CKAP2L: variants seen among roughly 807,000 people sequenced by gnomAD.
CKAP2L encodes the protein cytoskeleton associated protein 2L, also known as cytoskeleton-associated protein 2-like.
Under a neutral mutation model 65.7 loss-of-function variants are expected in CKAP2L, and 42 were observed. That is an observed-to-expected ratio of 0.64 (90% CI 0.50 to 0.83). CKAP2L has a LOEUF of 0.83. Ranked by LOEUF, CKAP2L falls within the 40% of genes least tolerant of loss-of-function variation. The pLI is 0.00. For missense variants in CKAP2L, 908 were observed against 871.0 expected (o/e 1.04, Z -0.53); for synonymous variants, 325 against 313.5 (o/e 1.04, Z -0.39).
chr2:112,737,998 C>T lies in CKAP2L; in HGVS notation c.*825G>A, dbSNP rs962003802. The T allele has an allele frequency of 6.6e-6, 1 of 152,154 alleles. No individual in the cohort carries two copies. Among genetic ancestry groups the T allele is most frequent in the Admixed American group, 6.5e-5 (1 of 15,272 alleles). The allele number at this position is 152,154 out of a possible 1,614,324, so 9.4% of individuals were successfully genotyped here. On this transcript the variant is annotated 3_prime_UTR_variant, in exon 9 of 9. Coordinates refer to ENST00000302450, the MANE Select transcript of CKAP2L (RefSeq NM_152515.5). Reference sequence around the variant, plus strand: ...TAATGACTAAGGTAAAACCTTTCCACAAATAGTTGCCCAGGAGGAAGAAAA... The same window carrying T: ...TAATGACTAAGGTAAAACCTTTCCATAAATAGTTGCCCAGGAGGAAGAAAA...
At chr2:112,762,175 C>T (rs1371225677) in intron 2 of CKAP2L, among the ~76,000 whole-genome samples, 1 of 152,124 alleles carries the variant, frequency 6.6e-6, no homozygotes, top group African/African-American at 2.4e-5. Flanking sequence ...AAGTTCTTGA[C>T]CAAAAACTGC....
rs373984250 is a variant in CKAP2L, at chr2:112,757,312, A to G, written c.157-98T>C. ...TTAACACATGCTAAAAAAAATAATC[A>G]TTTTTAGAATTTCATCTAAGAAAGT... On this transcript the variant is annotated intron_variant, in intron 3 of 8. Transcript: ENST00000302450. 111 of 838,926 alleles carry G rather than the reference A, an allele frequency of 1.3e-4. No individual in the cohort carries two copies. The African/African-American group carries it at 1.8e-3, about 14-fold the overall frequency. 52.0% of individuals were successfully genotyped at this position (838,926 alleles called of 1,614,324 possible).
chr2:112,756,594 C>T lies in CKAP2L; in HGVS notation c.777G>A (p.Gln259=), dbSNP rs765291620. The part of the protein sequence containing the change: ...TQSRTFPVKS[Q]QLSRGADLAR... ...CAAGATCTGCTCCTCTAGAGAGTTG[C>T]TGTGATTTTACTGGGAAAGTCCTGC... Residue 259 remains glutamine (Q), a synonymous_variant, in exon 4 of 9, where the codon CAG becomes CAA. Coordinates refer to ENST00000302450, the MANE Select transcript of CKAP2L (RefSeq NM_152515.5). 22 of 1,612,992 alleles carry T rather than the reference C, an allele frequency of 1.4e-5. 1 individual carries two copies. The Middle Eastern group carries it at 6.6e-4, about 48-fold the overall frequency.
rs1433948491 is a variant in CKAP2L, at chr2:112,756,257, A to G, written c.1114T>C (p.Ser372Pro). Residue 372 changes from serine (S) to proline (P), a missense_variant, in exon 4 of 9, where the codon TCA (serine) becomes CCA (proline). Physicochemically the swap from Ser to Pro is moderately conservative, Grantham distance 74 (BLOSUM62 -1). Coordinates refer to ENST00000302450, the MANE Select transcript of CKAP2L (RefSeq NM_152515.5). ...IPQTSCVLQK[S>P]KAISQRPNLT... ...TTAGGCCTCTGGCTTATGGCTTTTGACTTTTGCAGTACACATGATGTCTGA... is the reference window on the plus strand; with the variant it reads ...TTAGGCCTCTGGCTTATGGCTTTTGGCTTTTGCAGTACACATGATGTCTGA... 1 of 1,614,036 alleles carries G rather than the reference A, an allele frequency of 6.2e-7. No individual in the cohort carries two copies. The highest frequency in any genetic ancestry group is 8.5e-7 in the Non-Finnish European group (1 of 1,179,992).
At chr2:112,747,542 G>A (rs1680239306) in intron 5 of CKAP2L, among the ~76,000 whole-genome samples, 1 of 152,116 alleles carries the variant, frequency 6.6e-6, no homozygotes, top group South Asian at 2.1e-4. Context: ...ATGAAAGAGG[G>A]TTAAATCCCA....
chr2:112,747,491 G>A (rs7577241), intron 5 of CKAP2L, among the ~76,000 whole-genome samples: 73,137 of 151,960 alleles, frequency 0.48, 17,902 homozygotes, highest in Middle Eastern at 0.58. Flanking sequence ...AAGGTCATAG[G>A]GGTGTATATG....
intron 5 of CKAP2L, among the ~76,000 whole-genome samples, chr2:112,750,094 G>T (rs1680320479): frequency 1.3e-5 from 2 of 152,106 alleles, no homozygotes. Flanking sequence ...TGGGTAGTAT[G>T]CCTTCCTTAC....
chr2:112,750,604 T>C (rs1680343639), intron 5 of CKAP2L, among the ~76,000 whole-genome samples: 1 of 152,194 alleles, frequency 6.6e-6, no homozygotes, highest in Non-Finnish European at 1.5e-5. Context: ...TACTTTCACA[T>C]GGATTCTCCT....
intron 2 of CKAP2L, among the ~76,000 whole-genome samples, chr2:112,761,071 T>G (rs544802621): frequency 6.6e-6 from 1 of 152,186 alleles, no homozygotes; most frequent in East Asian, 1.9e-4. Flanking sequence ...TCCTTCATAT[T>G]TATATAGTCT....
At chr2:112,751,012 AC>A (rs1385307841) in intron 5 of CKAP2L, among the ~76,000 whole-genome samples, 63 of 152,310 alleles carry the variant, frequency 4.1e-4, no homozygotes, top group African/African-American at 1.5e-3. Flanking sequence ...TTAAAAAGTC[AC>A]AAAATTACTA....
At chr2:112,745,796 G>A (rs981904259) in intron 6 of CKAP2L, among the ~76,000 whole-genome samples, 9 of 152,204 alleles carry the variant, frequency 5.9e-5, no homozygotes, top group African/African-American at 2.2e-4. Context: ...AAATAGGGGT[G>A]TGTATTTGTG....
intron 1 of CKAP2L, 79 bp from the exon 2 acceptor site, chr2:112,762,648 C>T (rs1475398293): frequency 8.5e-7 from 1 of 1,178,998 alleles, no homozygotes; most frequent in African/African-American, 1.5e-5. Flanking sequence ...TAAAAGATGA[C>T]ACTTTTCTCT....
intron 5 of CKAP2L, 54 bp from the exon 6 acceptor site, chr2:112,746,629 C>T (rs1680210332): frequency 4.6e-6 from 6 of 1,317,804 alleles, no homozygotes; most frequent in Non-Finnish European, 6.4e-6. Flanking sequence ...CTGTTAGTCT[C>T]ACATCTCCTA....
intron 5 of CKAP2L, among the ~76,000 whole-genome samples, chr2:112,750,310 G>A (rs1474216111): frequency 2.0e-5 from 3 of 152,150 alleles, no homozygotes; most frequent in Non-Finnish European, 2.9e-5. Flanking sequence ...CAGGCTTACC[G>A]CGTGCTTTCA....
intron 6 of CKAP2L, 94 bp downstream of exon 6, chr2:112,746,326 G>T: frequency 9.6e-7 from 1 of 1,039,632 alleles, no homozygotes; most frequent in Non-Finnish European, 1.4e-6. Flanking sequence ...GGATATTGAT[G>T]TTGCAAACTT....
At chr2:112,760,596 A>G (rs1411203347) in intron 3 of CKAP2L, 117 bp downstream of exon 3, 3 of 576,270 alleles carry the variant, frequency 5.2e-6, no homozygotes, top group East Asian at 3.4e-5. Context: ...AACTGTTTTT[A>G]TATCTGTAAG....
chr2:112,758,509 C>T (rs918935668), intron 3 of CKAP2L, among the ~76,000 whole-genome samples: 13 of 152,048 alleles, frequency 8.5e-5, no homozygotes, highest in Admixed American at 4.6e-4. Flanking sequence ...TGGATGATAG[C>T]GGTGTGTGTG....
intron 7 of CKAP2L, among the ~76,000 whole-genome samples, chr2:112,741,567 G>A (rs1679967771): frequency 1.3e-5 from 2 of 152,228 alleles, no homozygotes; most frequent in Non-Finnish European, 2.9e-5. Context: ...GACACCCTAA[G>A]TGAGGTCAAT....
chr2:112,745,864 G>C (rs1680185731), intron 6 of CKAP2L, among the ~76,000 whole-genome samples: 1 of 152,134 alleles, frequency 6.6e-6, no homozygotes, highest in Admixed American at 6.5e-5. Flanking sequence ...ACTCTGCATA[G>C]CTGGAAGTCC....
Sources: allele counts gnomAD v4.1 joint callset (sites outside exome capture counted in the v4.1 genomes callset), GRCh38; gene constraint gnomAD v4.1.1; transcripts MANE v1.5; gene names NCBI Gene and HGNC (gene_info 2026-07-23, HGNC 2026-07-21).